ATP12A: variants seen among roughly 807,000 people sequenced by gnomAD.
The protein encoded by ATP12A is potassium-transporting ATPase alpha chain 2.
A neutral mutation model predicts 111.2 loss-of-function variants in ATP12A; 81 were observed. That is an observed-to-expected ratio of 0.73 (90% CI 0.61 to 0.88). The LOEUF is 0.88. Ranked by LOEUF, ATP12A falls within the 40% of genes least tolerant of loss-of-function variation. The pLI, the probability that ATP12A is intolerant of heterozygous loss-of-function variation, is 0.00. For missense variants in ATP12A, 1,196 were observed against 1,313.1 expected, an observed-to-expected ratio of 0.91 and a Z score of 1.38; for synonymous variants, 498 against 499.8, an observed-to-expected ratio of 1.00 and a Z score of 0.05.
Position 24,698,763 on chromosome 13 carries a change from G to T in ATP12A, c.1618G>T (p.Gly540Cys). 5.0e-6 allele frequency: 8 copies of T among 1,614,034 alleles called. No individual in the cohort carries two copies. The highest frequency in any genetic ancestry group is 6.8e-6 in the Non-Finnish European group (8 of 1,180,012). The change falls in exon 12 of 23, where the codon GGC becomes TGC. Residue 540 changes from glycine to cysteine, a missense_variant. Coordinates refer to ENST00000381946, the MANE Select transcript of ATP12A (RefSeq NM_001676.7). Reference sequence around the variant, plus strand: ...GAAATGCAGCACCATCATGATCAACGGCGAGGAGCACCCACTGGACAAGAG... The same window carrying T: ...GAAATGCAGCACCATCATGATCAACTGCGAGGAGCACCCACTGGACAAGAG... ...LEKCSTIMIN[G>C]EEHPLDKSTA...
chr13:24,706,880 A>G, intron 15 of ATP12A, 143 bp from the exon 16 acceptor site: 1 of 919,762 alleles, frequency 1.1e-6, no homozygotes, highest in Non-Finnish European at 1.6e-6. Context: ...TCTCATCTTT[A>G]TCTTTTCCCC....
At chr13:24,697,360 A>G (rs1875209586) in intron 11 of ATP12A, among the ~76,000 whole-genome samples, 1 of 152,190 alleles carries the variant, frequency 6.6e-6, no homozygotes, top group South Asian at 2.1e-4. Flanking sequence ...TTGGCCAGGT[A>G]CAGTGGCTCA....
Position 24,690,330 on chromosome 13 carries a change from T to C in ATP12A, c.547-8T>C, listed in dbSNP as rs1422531055. On this transcript the variant is annotated splice_region_variant and splice_polypyrimidine_tract_variant and intron_variant, in intron 5 of 22. Transcript: ENST00000381946. Reference sequence around the variant, plus strand: ...GTCTGAGGCATCTGTCATGGTTTTTTTCTGCAGCAAGCTCTCGTCATCCGA... The same window carrying C: ...GTCTGAGGCATCTGTCATGGTTTTTCTCTGCAGCAAGCTCTCGTCATCCGA... 1 of 1,613,222 alleles carries C rather than the reference T, an allele frequency of 6.2e-7. No homozygotes were observed. Among genetic ancestry groups the C allele is most frequent in the Non-Finnish European group, 8.5e-7 (1 of 1,179,842 alleles).
intron 9 of ATP12A, 37 bp downstream of exon 9, chr13:24,692,664 T>C (rs41288278): frequency 2.2e-4 from 353 of 1,602,376 alleles, no homozygotes; most frequent in Non-Finnish European, 2.8e-4. Flanking sequence ...GCCAAAGCTG[T>C]GGACTCCATC....
intron 1 of ATP12A, 45 bp downstream of exon 1, chr13:24,680,797 C>G: frequency 6.8e-7 from 1 of 1,471,810 alleles, no homozygotes; most frequent in Non-Finnish European, 8.9e-7. Context: ...GACGCTGGGC[C>G]AAGGCCCCGG....
intron 10 of ATP12A, among the ~76,000 whole-genome samples, chr13:24,694,196 C>T (rs559114525): frequency 1.3e-5 from 2 of 152,130 alleles, no homozygotes; most frequent in East Asian, 1.9e-4. Context: ...AGATCTAGTT[C>T]GTAGCTGCTT....
intron 3 of ATP12A, among the ~76,000 whole-genome samples, chr13:24,687,726 G>T (rs537239097): frequency 6.6e-6 from 1 of 152,214 alleles, no homozygotes; most frequent in South Asian, 2.1e-4. Context: ...AGGTGGAAAA[G>T]GAGCAGGCGT....
chr13:24,687,691 G>A (rs1054872744), intron 3 of ATP12A, among the ~76,000 whole-genome samples: 1 of 152,246 alleles, frequency 6.6e-6, no homozygotes, highest in Non-Finnish European at 1.5e-5. Context: ...CAAGATGAAT[G>A]AGAACTTAGG....
rs1269805281 is a variant in ATP12A, at chr13:24,707,438, G to A, written c.2493+5G>A. 6.2e-7 allele frequency: 1 copy of A among 1,614,212 alleles called. No individual in the cohort carries two copies. The highest frequency in any genetic ancestry group is 1.1e-5 in the South Asian group (1 of 91,084). On this transcript the variant is annotated splice_donor_5th_base_variant and intron_variant, in intron 17 of 22. Transcript: ENST00000381946. ...ATTGACTTGGGGACAGACATTGTAA[G>A]TGACACTGAAGGGAACAGGCTGTGA...
rs1460730023 is a variant in ATP12A, at chr13:24,706,322, G to C, written c.2028G>C (p.Lys676Asn). Reference protein sequence around the residue: ...AVEQVNKRDAKAAVVTGMELK... With the variant: ...AVEQVNKRDANAAVVTGMELK... The stretch of plus-strand genomic sequence containing the variant: ...CTTCTGGCCCTTCTAGGGATGCCAA[G>C]GCCGCTGTGGTGACTGGCATGGAGC... The change falls in exon 15 of 23, where the codon AAG becomes AAC. Residue 676 changes from lysine to asparagine, a missense_variant. By Grantham distance (94) the Lys-to-Asn change is moderately conservative (BLOSUM62 0). Around this residue, in one of 3 missense-constraint regions of ATP12A, gnomAD observed 1,126 missense variants for 1,228.5 expected, o/e 0.92. Transcript: ENST00000381946. 1 of 1,613,978 alleles carries C rather than the reference G, an allele frequency of 6.2e-7. No homozygotes were observed. Among genetic ancestry groups the C allele is most frequent in the East Asian group, 2.2e-5 (1 of 44,878 alleles).
intron 12 of ATP12A, 101 bp downstream of exon 12, chr13:24,698,951 G>A (rs982393089): frequency 2.4e-5 from 33 of 1,372,118 alleles, no homozygotes; most frequent in Non-Finnish European, 2.9e-5. Flanking sequence ...TGGCATCCAC[G>A]TGAAGCATGT....
chr13:24,707,216 C>T (rs1207478464), intron 16 of ATP12A, 25 bp downstream of exon 16: 1 of 1,612,984 alleles, frequency 6.2e-7, no homozygotes, highest in Non-Finnish European at 8.5e-7. Context: ...GGGGGTCTTC[C>T]CAAGGGCCAG....
rs1047349039 is a variant in ATP12A, at chr13:24,711,789, T to C, written c.*267T>C. On this transcript the variant is annotated 3_prime_UTR_variant, in exon 23 of 23. Coordinates refer to ENST00000381946, the MANE Select transcript of ATP12A (RefSeq NM_001676.7). ...TTCGAGGTAATGGTATAGGGAAGAA[T>C]GTGTTTATGTGTATTTGAAACTCCT... The C allele has an allele frequency of 1.1e-4, 61 of 530,806 alleles. No individual in the cohort carries two copies. In the South Asian group the frequency reaches 1.2e-3, roughly 11 times the overall value. 32.9% of individuals were successfully genotyped at this position (530,806 alleles called of 1,614,324 possible).
intron 19 of ATP12A, 130 bp from the exon 20 acceptor site, chr13:24,710,330 A>G: frequency 9.0e-7 from 1 of 1,112,282 alleles, no homozygotes; most frequent in Non-Finnish European, 1.3e-6. Flanking sequence ...CTTTCCAAAC[A>G]CTAGAAGGTG....
chr13:24,688,229 G>A (rs1487612717), intron 3 of ATP12A, 90 bp from the exon 4 acceptor site: 6 of 1,444,306 alleles, frequency 4.2e-6, no homozygotes, highest in Admixed American at 2.3e-5. Flanking sequence ...ACCCCAAGCT[G>A]CAAAAATATG....
intron 11 of ATP12A, among the ~76,000 whole-genome samples, chr13:24,695,532 C>T (rs934706151): frequency 6.7e-6 from 1 of 149,916 alleles, no homozygotes; most frequent in African/African-American, 2.5e-5. Context: ...CACAACTGTA[C>T]GTGTGGAGAT....
intron 3 of ATP12A, among the ~76,000 whole-genome samples, chr13:24,687,393 GGAGGAGGTTGCA>G (rs1334059078): frequency 6.6e-6 from 1 of 152,168 alleles, no homozygotes; most frequent in Non-Finnish European, 1.5e-5. Context: ...GAACCCAGGA[GGAGGAGGTTGCA>G]GTGAGACGAG....
At chr13:24,689,137 A>C in intron 4 of ATP12A, 125 bp from the exon 5 acceptor site, 1 of 754,514 alleles carries the variant, frequency 1.3e-6, no homozygotes, top group Non-Finnish European at 2.3e-6. Context: ...GGCGAATTCC[A>C]TGGCCTGTAA....
At chr13:24,698,062 A>G (rs1295245457) in intron 11 of ATP12A, among the ~76,000 whole-genome samples, 2 of 152,034 alleles carry the variant, frequency 1.3e-5, no homozygotes, top group East Asian at 3.9e-4. Flanking sequence ...TCTTATTAGG[A>G]TGGATCTAGA....
Sources: gnomAD v4.1 joint callset for allele counts (sites outside exome capture counted in the v4.1 genomes callset) on GRCh38, gnomAD v4.1.1 for gene constraint, gnomAD v4.1.1 regional missense constraint, MANE v1.5 for transcripts, NCBI Gene and HGNC (gene_info 2026-07-23, HGNC 2026-07-21) for gene names.